RPS8: variants seen among roughly 807,000 people sequenced by gnomAD.
RPS8 encodes the protein small ribosomal subunit protein eS8.
For missense variants in RPS8, 141 were observed against 269.7 expected, an observed-to-expected ratio of 0.52 and a Z score of 3.34; for synonymous variants, 100 against 100.7, an observed-to-expected ratio of 0.99 and a Z score of 0.04.
chr1:44,777,085 C>CT (rs901052192), intron 3 of RPS8: 3 of 257,756 alleles, frequency 1.2e-5, no homozygotes, highest in Non-Finnish European at 2.2e-5. Context: ...GCTCCAATCT[C>CT]TTTTTTTGAG....
intron 1 of RPS8, chr1:44,775,832 T>C: frequency 1.3e-6 from 1 of 780,020 alleles, no homozygotes; most frequent in South Asian, 1.4e-5. Context: ...CCAACATGGC[T>C]GCCGCGAGGA....
intron 2 of RPS8, 61 bp from the exon 3 acceptor site, chr1:44,776,614 C>T (rs759433169): frequency 1.3e-5 from 18 of 1,426,186 alleles, no homozygotes; most frequent in Non-Finnish European, 1.8e-5. Context: ...GCCCAGGTTC[C>T]TCTCCCTCAC....
intron 2 of RPS8, 65 bp downstream of exon 2, chr1:44,776,205 G>T: frequency 8.6e-7 from 1 of 1,169,112 alleles, no homozygotes. Flanking sequence ...GCGTGCTCGG[G>T]TCTTTCCGTG....
chr1:44,777,731 G>A lies in RPS8; in HGVS notation c.329G>A (p.Arg110Gln). The change falls in exon 4 of 6, where the codon CGA becomes CAA. Residue 110 changes from arginine to glutamine, a missense_variant. Transcript: ENST00000396651. ...CIVLIDSTPY[R>Q]QWYESHYALP... Reference sequence around the variant, plus strand: ...GTGCTCATCGACAGCACACCGTACCGACAGTGGTACGAGTCCCACTATGCG... The same window carrying A: ...GTGCTCATCGACAGCACACCGTACCAACAGTGGTACGAGTCCCACTATGCG... The A allele has an allele frequency of 6.2e-7, 1 of 1,614,024 alleles. No individual in the cohort carries two copies. Among genetic ancestry groups the A allele is most frequent in the Non-Finnish European group, 8.5e-7 (1 of 1,179,886 alleles).
chr1:44,776,655 T>C lies in RPS8; in HGVS notation c.112-20T>C. The C allele has an allele frequency of 6.2e-7, 1 of 1,610,682 alleles. No individual in the cohort carries two copies. The highest frequency in any genetic ancestry group is 2.2e-5 in the East Asian group (1 of 44,840). ...TTGCTCTCCTTGGTAACCTAGTTCC[T>C]GTAACCTTGTGTTTTCCAGATTGGC... On this transcript the variant is annotated intron_variant, in intron 2 of 5. Transcript: ENST00000396651.
chr1:44,775,610 G>T lies in RPS8; in HGVS notation c.4+10G>T. The T allele has an allele frequency of 6.2e-7, 1 of 1,614,110 alleles. No homozygotes were observed. Among genetic ancestry groups the T allele is most frequent in the Non-Finnish European group, 8.5e-7 (1 of 1,179,970 alleles). On this transcript the variant is annotated intron_variant, in intron 1 of 5. Coordinates refer to ENST00000396651, the MANE Select transcript of RPS8 (RefSeq NM_001012.2). ...CAGCGCCGAGCGATGGGTGAGTGTC[G>T]CTCTGCATTGAGGCGGGTGAAGGGA...
At chr1:44,776,903 C>T in intron 3 of RPS8, 129 bp downstream of exon 3, 2 of 616,280 alleles carry the variant, frequency 3.2e-6, no homozygotes, top group Middle Eastern at 3.4e-4. Flanking sequence ...GGGCGGATCA[C>T]CTGAGGTCAG....
rs772598152 is a variant in RPS8, at chr1:44,778,562, C to T, written c.518-14C>T. The T allele has an allele frequency of 2.5e-6, 4 of 1,606,274 alleles. No homozygotes were observed. The highest frequency in any genetic ancestry group is 3.4e-6 in the Non-Finnish European group (4 of 1,173,014). ...ACCTTGTCGTTGTGCTAAGGATCAC[C>T]TACTCTCTTGCAGCGTGCATCGCTT... On this transcript the variant is annotated splice_polypyrimidine_tract_variant and intron_variant, in intron 5 of 5. Coordinates refer to ENST00000396651, the MANE Select transcript of RPS8 (RefSeq NM_001012.2).
intron 2 of RPS8, 156 bp from the exon 3 acceptor site, chr1:44,776,519 C>T (rs751521659): frequency 1.2e-5 from 9 of 775,204 alleles, no homozygotes; most frequent in Admixed American, 3.4e-5. Context: ...AATCCTTAGG[C>T]GTGGTTGTGG....
rs368315084 is a variant in RPS8 at position 44,776,167 on chromosome 1, C to T, written c.111+27C>T. The T allele has an allele frequency of 2.2e-5, 34 of 1,523,054 alleles. No homozygotes were observed. In the African/African-American group the frequency reaches 4.2e-4, roughly 19 times the overall value. 94.3% of individuals were successfully genotyped at this position (1,523,054 alleles called of 1,614,324 possible). On this transcript the variant is annotated intron_variant, in intron 2 of 5. Coordinates refer to ENST00000396651, the MANE Select transcript of RPS8 (RefSeq NM_001012.2). ...TGGGTGCGAGCGTGGGCCTGTCCGC[C>T]TGGGAGGTCGCCTTCCCCCGCTCTC... is the stretch of plus-strand genomic sequence containing the variant.
At chr1:44,777,527 G>A (rs376844100) in intron 3 of RPS8, 87 bp from the exon 4 acceptor site, 99 of 1,038,470 alleles carry the variant, frequency 9.5e-5, no homozygotes, top group East Asian at 5.9e-4. Context: ...TTCTCCTTAA[G>A]GCCTCATGGG....
rs1450676989 is a variant in RPS8, at chr1:44,776,123, C to T, written c.94C>T (p.Pro32Ser). 4 of 1,603,874 alleles carry T rather than the reference C, an allele frequency of 2.5e-6. No individual in the cohort carries two copies. Among genetic ancestry groups the T allele is most frequent in the Non-Finnish European group, 3.4e-6 (4 of 1,177,068 alleles). Residue 32 changes from proline to serine, a missense_variant, in exon 2 of 6, where the codon CCA becomes TCA. Coordinates refer to ENST00000396651, the MANE Select transcript of RPS8 (RefSeq NM_001012.2). Reference protein sequence around the residue: ...HKKRKYELGRPAANTKIGPRR... With the variant: ...HKKRKYELGRSAANTKIGPRR... ...GAAGCGGAAGTATGAGTTGGGGCGC[C>T]CAGCTGCCAACACCAAGGTGGGTGC...
chr1:44,776,420 A>G, intron 2 of RPS8: 1 of 747,072 alleles, frequency 1.3e-6, no homozygotes, highest in African/African-American at 1.7e-5. Flanking sequence ...TCATAGTCAG[A>G]AGCCTAGTCT....
intron 4 of RPS8, 74 bp downstream of exon 4, chr1:44,777,863 C>G: frequency 6.3e-7 from 1 of 1,578,032 alleles, no homozygotes. Context: ...AAAACTCTGT[C>G]CAGTTCTGCT....
chr1:44,778,504 T>C, intron 5 of RPS8, 72 bp from the exon 6 acceptor site: 1 of 1,237,634 alleles, frequency 8.1e-7, no homozygotes, highest in Admixed American at 1.7e-5. Context: ...CCCACAGAGA[T>C]TCTTAAGCGG....
Position 44,778,610 on chromosome 1 carries a change from A to C in RPS8, c.552A>C (p.Arg184=), listed in dbSNP as rs933535680. ...CTTCAAGGCCGGGACAGTGTGGCCGAGCAGATGGCTATGTGCTAGAGGGCA... is the reference window on the plus strand; with the variant it reads ...CTTCAAGGCCGGGACAGTGTGGCCGCGCAGATGGCTATGTGCTAGAGGGCA... ...CIASRPGQCG[R]ADGYVLEGKE... Residue 184 remains arginine (R), a synonymous_variant, in exon 6 of 6, where the codon CGA becomes CGC. Coordinates refer to ENST00000396651, the MANE Select transcript of RPS8 (RefSeq NM_001012.2). The C allele has an allele frequency of 5.6e-6, 9 of 1,613,856 alleles. No homozygotes were observed. In the African/African-American group the frequency reaches 1.2e-4, roughly 22 times the overall value.
intron 3 of RPS8, 149 bp downstream of exon 3, chr1:44,776,923 T>A: frequency 1.8e-6 from 1 of 569,058 alleles, no homozygotes; most frequent in Non-Finnish European, 3.1e-6. Flanking sequence ...GGAGTTCGAG[T>A]CCAGCCTGGG....
intron 4 of RPS8, 95 bp downstream of exon 4, chr1:44,777,884 G>A (rs1267813150): frequency 6.3e-7 from 1 of 1,575,016 alleles, no homozygotes; most frequent in South Asian, 1.1e-5. Context: ...ACTGAAGGGA[G>A]AGAGATGAGA....
intron 1 of RPS8, 171 bp from the exon 2 acceptor site, chr1:44,775,863 A>T (rs748191629): frequency 1.2e-6 from 1 of 821,860 alleles, no homozygotes; most frequent in Admixed American, 1.7e-5. Context: ...GCCTGGCCGC[A>T]CGTGTATGAT....
Sources: gnomAD v4.1 joint callset for allele counts on GRCh38, gnomAD v4.1.1 for gene constraint, MANE v1.5 for transcripts, NCBI Gene and HGNC (gene_info 2026-07-23, HGNC 2026-07-21) for gene names.